DGCR2: variants seen among roughly 807,000 people sequenced by gnomAD.
DGCR2 encodes the protein integral membrane protein DGCR2/IDD.
Under a neutral mutation model 51.6 loss-of-function variants are expected in DGCR2, and 24 were observed. That is an observed-to-expected ratio of 0.47 (90% CI 0.34 to 0.65). The LOEUF (loss-of-function observed/expected upper bound fraction) is 0.65. DGCR2 is among the 30% of genes least tolerant of loss of function. The pLI is 0.01. For missense variants in DGCR2, 765 were observed against 772.1 expected (o/e 0.99, Z 0.11); for synonymous variants, 340 against 315.4 (o/e 1.08, Z -0.82).
In DGCR2 at chr22:19,041,728, G is replaced by C; in HGVS notation, c.1159+79C>G. 4 of 1,511,432 alleles carry C rather than the reference G, an allele frequency of 2.6e-6. No individual in the cohort carries two copies. In the South Asian group the frequency reaches 3.8e-5, roughly 14 times the overall value. 93.6% of individuals were successfully genotyped at this position (1,511,432 alleles called of 1,614,324 possible). ...CCTGCCTCTGCCCCTCTCTGTCCAG[G>C]GCTGGGGAGCTCATGGAGACATGGG... On this transcript the variant is annotated intron_variant, in intron 8 of 9. Coordinates refer to ENST00000263196, the MANE Select transcript of DGCR2 (RefSeq NM_005137.3).
At chr22:19,093,796 A>T (rs1161380445) in intron 1 of DGCR2, among the ~76,000 whole-genome samples, 1 of 152,214 alleles carries the variant, frequency 6.6e-6, no homozygotes, top group Non-Finnish European at 1.5e-5. Flanking sequence ...CAGGAGTTCA[A>T]AACCAGCCTG....
chr22:19,060,929 G>C (rs1438586912), intron 5 of DGCR2: 1 of 496,160 alleles, frequency 2.0e-6, no homozygotes, highest in Non-Finnish European at 4.0e-6. Flanking sequence ...AAGCGTCTAT[G>C]TACCATGGTA....
At chr22:19,039,783 T>C (rs1439438035) in intron 9 of DGCR2, among the ~76,000 whole-genome samples, 1 of 152,160 alleles carries the variant, frequency 6.6e-6, no homozygotes, top group East Asian at 1.9e-4. Flanking sequence ...GACGTGACCA[T>C]GGCTCATGAC....
intron 7 of DGCR2, chr22:19,045,330 C>A (rs985912613): frequency 2.0e-5 from 3 of 152,102 alleles, no homozygotes; most frequent in Non-Finnish European, 4.4e-5. Flanking sequence ...TTGTTGTACT[C>A]TTTTCCCGTT....
chr22:19,080,652 A>G (rs1246441633), intron 2 of DGCR2, among the ~76,000 whole-genome samples: 1 of 152,162 alleles, frequency 6.6e-6, no homozygotes, highest in Admixed American at 6.5e-5. Context: ...CCTCAGCAAC[A>G]GGGCGAGACC....
chr22:19,071,047 C>A (rs563707385), intron 2 of DGCR2, among the ~76,000 whole-genome samples: 6 of 152,358 alleles, frequency 3.9e-5, no homozygotes, highest in African/African-American at 1.4e-4. Context: ...GGAGGGCCAG[C>A]CTTTGGTAAG....
chr22:19,102,337 G>A (rs1427350141), intron 1 of DGCR2, among the ~76,000 whole-genome samples: 2 of 152,178 alleles, frequency 1.3e-5, no homozygotes, highest in African/African-American at 4.8e-5. Flanking sequence ...AGTTCTGGAA[G>A]TGGGTAATGG....
At chr22:19,082,918 G>A (rs887353936) in intron 2 of DGCR2, among the ~76,000 whole-genome samples, 60 of 152,074 alleles carry the variant, frequency 3.9e-4, no homozygotes, top group Non-Finnish European at 7.4e-4. Flanking sequence ...GCGAAACACC[G>A]ATTCTACGAA....
chr22:19,078,996 C>A (rs2082908696), intron 2 of DGCR2, among the ~76,000 whole-genome samples: 1 of 152,118 alleles, frequency 6.6e-6, no homozygotes, highest in Admixed American at 6.6e-5. Context: ...GATTCAATCT[C>A]CTTATTAATT....
chr22:19,120,615 T>C (rs531230055), intron 1 of DGCR2, among the ~76,000 whole-genome samples: 1 of 152,292 alleles, frequency 6.6e-6, no homozygotes, highest in East Asian at 1.9e-4. Context: ...AGGCAGGAGA[T>C]GCTGGGCCTG....
In DGCR2 at chr22:19,093,027, C is replaced by G. The variant is rs114033727; in HGVS notation, c.80-3537G>C. ...GAGGAGGAGGAGGAAGAAAGAGGAACAAAGAACAACTACTTTGATCCATTC... is the reference window on the plus strand; with the variant it reads ...GAGGAGGAGGAGGAAGAAAGAGGAAGAAAGAACAACTACTTTGATCCATTC... On this transcript the variant is annotated intron_variant, in intron 1 of 9. Coordinates refer to ENST00000263196, the MANE Select transcript of DGCR2 (RefSeq NM_005137.3). 7.7e-3 allele frequency among the ~76,000 whole-genome samples: 1,168 copies of G among 152,160 alleles called. 19 individuals carry two copies. Among genetic ancestry groups the G allele is most frequent in the African/African-American group, 0.026 (1,089 of 41,518 alleles).
chr22:19,108,448 C>T (rs1012539797), intron 1 of DGCR2, among the ~76,000 whole-genome samples: 2 of 151,568 alleles, frequency 1.3e-5, no homozygotes, highest in African/African-American at 2.4e-5. Flanking sequence ...ATGGTGAACA[C>T]CTGTGGTCCC....
intron 5 of DGCR2, chr22:19,060,953 A>C (rs2082656063): frequency 4.4e-6 from 2 of 454,860 alleles, no homozygotes; most frequent in Admixed American, 2.4e-5. Flanking sequence ...CTCACACCCC[A>C]ATCTGGAACA....
chr22:19,062,149 T>C (rs1185175028), intron 5 of DGCR2, among the ~76,000 whole-genome samples: 3 of 152,210 alleles, frequency 2.0e-5, no homozygotes, highest in Non-Finnish European at 4.4e-5. Context: ...AGCCATTGAT[T>C]AGTCAATAGC....
chr22:19,110,042 C>G (rs554337194), intron 1 of DGCR2, among the ~76,000 whole-genome samples: 42 of 152,332 alleles, frequency 2.8e-4, no homozygotes, highest in African/African-American at 9.6e-4. Flanking sequence ...GAGTTACACT[C>G]ACAAAAAGCA....
chr22:19,061,570 G>A (rs1386096365), intron 5 of DGCR2: 2 of 152,146 alleles, frequency 1.3e-5, no homozygotes, highest in East Asian at 3.8e-4. Context: ...ACACCATAAG[G>A]GTTCTTGTGC....
chr22:19,093,395 G>A (rs1299388713), intron 1 of DGCR2, among the ~76,000 whole-genome samples: 1 of 149,884 alleles, frequency 6.7e-6, no homozygotes, highest in Non-Finnish European at 1.5e-5. Context: ...TCGATCATAG[G>A]CCTACAGGTG....
At chr22:19,043,225 G>T (rs2082452545) in intron 7 of DGCR2, among the ~76,000 whole-genome samples, 1 of 152,218 alleles carries the variant, frequency 6.6e-6, no homozygotes, top group African/African-American at 2.4e-5. Flanking sequence ...ACTTGGCTGG[G>T]ATGCTACTAG....
intron 1 of DGCR2, among the ~76,000 whole-genome samples, chr22:19,103,739 T>TAAAAA (rs34046451): frequency 7.6e-5 from 6 of 78,722 alleles, no homozygotes; most frequent in African/African-American, 2.0e-4. Context: ...AAAAAATTCT[T>TAAAAA]AAAAAAAAAA....
Sources: allele counts gnomAD v4.1 joint callset (sites outside exome capture counted in the v4.1 genomes callset), GRCh38; gene constraint gnomAD v4.1.1; transcripts MANE v1.5; gene names NCBI Gene and HGNC (gene_info 2026-07-23, HGNC 2026-07-21).